Variants in TMX2 observed in about 807,000 individuals in gnomAD.
TMX2 encodes thioredoxin related transmembrane protein 2, also known as thioredoxin-related transmembrane protein 2.
A neutral mutation model predicts 33.4 loss-of-function variants in TMX2; 20 were observed. The ratio of observed to expected loss-of-function variants is 0.60; its 90% CI spans 0.42 to 0.87. The LOEUF (loss-of-function observed/expected upper bound fraction) is 0.87. Among genes scored for constraint, TMX2 ranks in the 40% least tolerant of loss-of-function variants. The pLI, the probability that TMX2 is intolerant of heterozygous loss-of-function variation, is 0.00. For synonymous variants in TMX2, 166 were observed against 140.7 expected, an observed-to-expected ratio of 1.18 and a Z score of -1.27; for missense variants, 340 against 370.7, an observed-to-expected ratio of 0.92 and a Z score of 0.68.
At chr11:57,725,169 C>CT (rs1947898496) in intron 1 of TMX2, among the ~76,000 whole-genome samples, 1 of 152,022 alleles carries the variant, frequency 6.6e-6, no homozygotes, top group Admixed American at 6.6e-5. Context: ...ATTGCATAGC[C>CT]TTTTGTGTGG....
intron 1 of TMX2, among the ~76,000 whole-genome samples, chr11:57,722,877 C>G (rs1947729223): frequency 6.6e-6 from 1 of 152,176 alleles, no homozygotes; most frequent in Non-Finnish European, 1.5e-5. Flanking sequence ...CTTTGGGAGG[C>G]TGAGACGGGT....
chr11:57,734,179 A>G (rs1001160571), intron 1 of TMX2, among the ~76,000 whole-genome samples: 1 of 147,572 alleles, frequency 6.8e-6, no homozygotes, highest in Admixed American at 6.7e-5. Context: ...AAAAAAAAAA[A>G]AAAAAAAAGG....
intron 7 of TMX2, among the ~76,000 whole-genome samples, chr11:57,739,626 G>A (rs1418966620): frequency 1.3e-5 from 2 of 152,136 alleles, no homozygotes; most frequent in Admixed American, 6.5e-5. Flanking sequence ...GTGTGGTGGC[G>A]CATGCCTATA....
intron 1 of TMX2, among the ~76,000 whole-genome samples, chr11:57,719,020 CAT>C (rs1157963160): frequency 0.01 from 1,256 of 124,926 alleles, 23 homozygotes; most frequent in Middle Eastern, 0.023. Flanking sequence ...ATATTCAGGC[CAT>C]ATATATATAT....
chr11:57,715,586 C>CTTTTTTTTTTTTTTTTT (rs367827761), intron 1 of TMX2, among the ~76,000 whole-genome samples: 7 of 130,098 alleles, frequency 5.4e-5, no homozygotes, highest in Non-Finnish European at 6.3e-5. Flanking sequence ...AATTTGTTTT[C>CTTTTTTTTTTTTTTTTT]TTTTTTTTTT....
intron 1 of TMX2, among the ~76,000 whole-genome samples, chr11:57,732,842 G>A (rs1420594266): frequency 6.6e-6 from 1 of 152,072 alleles, no homozygotes; most frequent in Non-Finnish European, 1.5e-5. Context: ...GTGGGGTGGG[G>A]CTGAAAGTCC....
chr11:57,730,119 AT>A (rs1456219034), intron 1 of TMX2, among the ~76,000 whole-genome samples: 2 of 140,774 alleles, frequency 1.4e-5, no homozygotes, highest in Non-Finnish European at 3.2e-5. Flanking sequence ...ACAAAAAAAA[AT>A]AATTATATAT....
Position 57,738,634 on chromosome 11 carries a change from C to T in TMX2, c.442-30C>T, listed in dbSNP as rs756815504. The stretch of plus-strand genomic sequence containing the variant: ...ACCTTCCCAGGAGGCTATGTGGATC[C>T]AGCTGACTTTTCTTCCCTGTATTTG... On this transcript the variant is annotated intron_variant, in intron 4 of 7. Coordinates refer to ENST00000278422, the MANE Select transcript of TMX2 (RefSeq NM_015959.4). 7 of 1,586,404 alleles carry T rather than the reference C, an allele frequency of 4.4e-6. No individual in the cohort carries two copies. The Admixed American group carries it at 1.0e-4, about 23-fold the overall frequency.
chr11:57,736,297 G>T (rs191357372), intron 1 of TMX2, among the ~76,000 whole-genome samples: 1 of 151,432 alleles, frequency 6.6e-6, no homozygotes, highest in Non-Finnish European at 1.5e-5. Context: ...ATTGTCTTGG[G>T]GCACACATAA....
chr11:57,739,085 G>A, intron 6 of TMX2, 46 bp downstream of exon 6: 1 of 1,614,152 alleles, frequency 6.2e-7, no homozygotes, highest in African/African-American at 1.3e-5. Flanking sequence ...AAATCACTTT[G>A]AGTGATACAT....
chr11:57,724,740 T>C (rs549960366), intron 1 of TMX2, among the ~76,000 whole-genome samples: 1 of 152,090 alleles, frequency 6.6e-6, no homozygotes, highest in African/African-American at 2.4e-5. Flanking sequence ...AAATGTCTTA[T>C]GAAAATGGGT....
At chr11:57,714,768 AT>A in intron 1 of TMX2, among the ~76,000 whole-genome samples, 1 of 151,642 alleles carries the variant, frequency 6.6e-6, no homozygotes, top group East Asian at 1.9e-4. Flanking sequence ...ATTTTTAAAA[AT>A]TTTTTTTCAA....
At chr11:57,726,237 A>AC (rs1947973777) in intron 1 of TMX2, among the ~76,000 whole-genome samples, 1 of 151,792 alleles carries the variant, frequency 6.6e-6, no homozygotes, top group Admixed American at 6.6e-5. Context: ...ACATGGTGAA[A>AC]CCCCATCTCT....
intron 1 of TMX2, among the ~76,000 whole-genome samples, chr11:57,727,571 A>C (rs1049981875): frequency 1.3e-5 from 2 of 152,170 alleles, no homozygotes; most frequent in Non-Finnish European, 2.9e-5. Context: ...ATCTATTGTG[A>C]CTTACTTTCC....
intron 1 of TMX2, among the ~76,000 whole-genome samples, chr11:57,714,362 A>T (rs1290093240): frequency 6.6e-6 from 1 of 152,228 alleles, no homozygotes; most frequent in Non-Finnish European, 1.5e-5. Context: ...AATAAGAGAG[A>T]CATTTCTATG....
In TMX2 at chr11:57,727,792, G is replaced by T. The variant is rs1948100097; in HGVS notation, c.190-9816G>T. On this transcript the variant is annotated intron_variant, in intron 1 of 7. Transcript: ENST00000278422. ...CACCCTTTTAAGTCCAATAAGAAAC[G>T]ATTTACAACCTGCTCTCTCTGAAGT... is the stretch of plus-strand genomic sequence containing the variant. 2.0e-5 allele frequency among the ~76,000 whole-genome samples: 3 copies of T among 152,064 alleles called. No homozygotes were observed. In the South Asian group the frequency reaches 6.2e-4, roughly 32 times the overall value.
intron 1 of TMX2, among the ~76,000 whole-genome samples, chr11:57,717,542 A>G (rs990292648): frequency 6.6e-6 from 1 of 151,966 alleles, no homozygotes; most frequent in African/African-American, 2.4e-5. Context: ...CTCCACCAAA[A>G]AAGTACGAAA....
Position 57,740,332 on chromosome 11 carries a change from GT to G in TMX2, c.*91del. 1 of 1,445,336 alleles carries G rather than the reference GT, an allele frequency of 6.9e-7. No homozygotes were observed. Among genetic ancestry groups the G allele is most frequent in the Non-Finnish European group, 9.1e-7 (1 of 1,094,256 alleles). 89.5% of individuals were successfully genotyped at this position (1,445,336 alleles called of 1,614,324 possible). On this transcript the variant is annotated 3_prime_UTR_variant, in exon 8 of 8. Transcript: ENST00000278422. ...CCTGAGGCTGCAGCCTTTTATTTAT[GT>G]TTTCCCTTTGGCTGTGACTGGGTGG...
intron 1 of TMX2, among the ~76,000 whole-genome samples, chr11:57,729,639 A>G (rs950819720): frequency 6.6e-6 from 1 of 152,186 alleles, no homozygotes; most frequent in Non-Finnish European, 1.5e-5. Flanking sequence ...AAGGCTGTTT[A>G]GCTGACAGCT....
Sources: allele counts gnomAD v4.1 joint callset (sites outside exome capture counted in the v4.1 genomes callset), GRCh38; gene constraint gnomAD v4.1.1; transcripts MANE v1.5; gene names NCBI Gene and HGNC (gene_info 2026-07-23, HGNC 2026-07-21).